The following SOX5 variants were observed in gnomAD, a reference collection of about 807,000 sequenced individuals.
The protein encoded by SOX5 is SRY-box transcription factor 5.
Under a neutral mutation model 92.0 loss-of-function variants are expected in SOX5, and 9 were observed. The ratio of observed to expected loss-of-function variants is 0.10; its 90% CI spans 0.06 to 0.17. SOX5 has a LOEUF of 0.17. Among genes scored for constraint, SOX5 ranks in the 10% least tolerant of loss-of-function variants. The pLI is 1.00. For missense variants in SOX5, 642 were observed against 944.5 expected, an observed-to-expected ratio of 0.68 and a Z score of 4.20; for synonymous variants, 344 against 336.3, an observed-to-expected ratio of 1.02 and a Z score of -0.25.
chr12:24,317,595 T>A (rs1440483206), intron 2 of SOX5, among the ~76,000 whole-genome samples: 1 of 152,180 alleles, frequency 6.6e-6, no homozygotes, highest in African/African-American at 2.4e-5. Flanking sequence ...ACTTCACCAC[T>A]TCCAAAATCT....
At chr12:24,056,441 T>G (rs934864208) in intron 4 of SOX5, among the ~76,000 whole-genome samples, 2 of 152,250 alleles carry the variant, frequency 1.3e-5, no homozygotes, top group African/African-American at 4.8e-5. Context: ...TCAAACATAT[T>G]AATGCTTAAA....
At chr12:23,552,758 C>G (rs1388785208) in intron 11 of SOX5, among the ~76,000 whole-genome samples, 1 of 151,862 alleles carries the variant, frequency 6.6e-6, no homozygotes, top group Non-Finnish European at 1.5e-5. Context: ...AAGTTTCCAC[C>G]TTCCTAGAGA....
At chr12:24,011,704 C>T (rs949090049) in intron 4 of SOX5, among the ~76,000 whole-genome samples, 8 of 152,064 alleles carry the variant, frequency 5.3e-5, no homozygotes, top group Non-Finnish European at 8.8e-5. Flanking sequence ...CACAGGTTAA[C>T]GGCGACCATT....
chr12:23,768,811 A>G (rs557768069), intron 3 of SOX5, among the ~76,000 whole-genome samples: 4 of 152,298 alleles, frequency 2.6e-5, no homozygotes, highest in Admixed American at 2.6e-4. Flanking sequence ...GACAGGGTTC[A>G]ACACTGAAAG....
At chr12:23,734,247 A>G (rs1016845359) in intron 6 of SOX5, among the ~76,000 whole-genome samples, 2 of 152,146 alleles carry the variant, frequency 1.3e-5, no homozygotes, top group African/African-American at 4.8e-5. Context: ...CCAAATTATT[A>G]CCATCCCTAT....
rs550351626 is a variant in SOX5, at chr12:23,828,156, C to G, written c.481+17827G>C. On this transcript the variant is annotated intron_variant, in intron 3 of 14. Coordinates refer to ENST00000451604, the MANE Select transcript of SOX5 (RefSeq NM_006940.6). ...TTACTTTTTTGTTACAATTGCCTAC[C>G]ATATTCAGTTCAGTAACATACTGTA... Among the ~76,000 whole-genome samples, 3 of 152,224 alleles carry G rather than the reference C, an allele frequency of 2.0e-5. No homozygotes were observed. In the South Asian group the frequency reaches 6.2e-4, roughly 32 times the overall value.
At chr12:24,421,502 C>T (rs193276577) in intron 1 of SOX5, among the ~76,000 whole-genome samples, 9 of 152,238 alleles carry the variant, frequency 5.9e-5, no homozygotes, top group Admixed American at 2.0e-4. Flanking sequence ...AATGTTCTTA[C>T]ACTGTTTAAT....
At chr12:24,378,606 C>T (rs1356387053) in intron 1 of SOX5, among the ~76,000 whole-genome samples, 2 of 152,174 alleles carry the variant, frequency 1.3e-5, no homozygotes, top group African/African-American at 4.8e-5. Flanking sequence ...TCTCCTTCCG[C>T]TTGACTCCTA....
At chr12:24,266,147 C>G (rs1172836118) in intron 3 of SOX5, among the ~76,000 whole-genome samples, 4 of 151,532 alleles carry the variant, frequency 2.6e-5, no homozygotes, top group African/African-American at 4.9e-5. Context: ...CTCCTGGACT[C>G]AAGTGATCCA....
chr12:23,637,289 A>G (rs1566588548), intron 8 of SOX5, among the ~76,000 whole-genome samples: 1 of 152,194 alleles, frequency 6.6e-6, no homozygotes, highest in African/African-American at 2.4e-5. Context: ...TATAGCTGTG[A>G]GTTTATCACT....
intron 1 of SOX5, among the ~76,000 whole-genome samples, chr12:23,945,055 A>G (rs1233637940): frequency 6.6e-6 from 1 of 152,194 alleles, no homozygotes; most frequent in Non-Finnish European, 1.5e-5. Context: ...GCACATCTGC[A>G]TTACACAATA....
rs961864537 is a variant in SOX5 at position 24,027,110 on chromosome 12, C to T, written c.-1-131086G>A. On this transcript the variant is annotated intron_variant, in intron 4 of 4. Transcript: ENST00000446891. ...TTCTTTCTTTTACTTAATTCCACAGCCTATCTGCAACTACAAAATACTCCT... is the reference window on the plus strand; with the variant it reads ...TTCTTTCTTTTACTTAATTCCACAGTCTATCTGCAACTACAAAATACTCCT... 2.0e-5 allele frequency among the ~76,000 whole-genome samples: 3 copies of T among 151,966 alleles called. No homozygotes were observed. The East Asian group carries it at 5.8e-4, about 29-fold the overall frequency.
At chr12:24,454,968 T>C (rs1942828032) in intron 1 of SOX5, among the ~76,000 whole-genome samples, 1 of 152,206 alleles carries the variant, frequency 6.6e-6, no homozygotes, top group South Asian at 2.1e-4. Flanking sequence ...CTGTTTGACA[T>C]CCTATTTTCA....
intron 3 of SOX5, among the ~76,000 whole-genome samples, chr12:23,764,164 G>T (rs925095554): frequency 2.6e-5 from 4 of 152,034 alleles, no homozygotes; most frequent in African/African-American, 9.7e-5. Flanking sequence ...TATTTATGAT[G>T]CATCCATAAC....
Position 23,837,230 on chromosome 12 carries a change from ATATATTTATATAATATATATT to A in SOX5, c.481+8732_481+8752del, listed in dbSNP as rs1459570201. On this transcript the variant is annotated intron_variant, in intron 3 of 14. Transcript: ENST00000451604. ...TATTTATATTTATATGATATATAAT[ATATATTTATATAATATATATT>A]TATATTTATATAATATATAATATGT... is the stretch of plus-strand genomic sequence containing the variant. Among the ~76,000 whole-genome samples the A allele has an allele frequency of 1.8e-4, 15 of 82,812 alleles. No individual in the cohort carries two copies. The South Asian group carries it at 2.3e-3, about 13-fold the overall frequency. 54.3% of individuals were successfully genotyped at this position (82,812 alleles called of 152,430 possible). A position where few individuals can be genotyped will look rare whatever the true frequency, so the allele number is the denominator to read the frequency against.
chr12:24,140,413 A>AT (rs1198751114), intron 4 of SOX5, among the ~76,000 whole-genome samples: 2 of 152,184 alleles, frequency 1.3e-5, no homozygotes, highest in Non-Finnish European at 2.9e-5. Flanking sequence ...TTAGAAATTC[A>AT]TTTTTTGAAA....
intron 1 of SOX5, among the ~76,000 whole-genome samples, chr12:24,397,702 G>T (rs1304826724): frequency 5.9e-5 from 9 of 151,728 alleles, no homozygotes; most frequent in Admixed American, 5.9e-4. Context: ...AAAATGTCAG[G>T]AAGGGTCCCA....
At chr12:23,993,052 T>A (rs1425201701) in intron 4 of SOX5, among the ~76,000 whole-genome samples, 1 of 152,188 alleles carries the variant, frequency 6.6e-6, no homozygotes, top group Admixed American at 6.5e-5. Flanking sequence ...TTGAGACAGT[T>A]CCTCAAAAAT....
At chr12:24,242,031 C>T (rs982437023) in intron 3 of SOX5, among the ~76,000 whole-genome samples, 1 of 152,074 alleles carries the variant, frequency 6.6e-6, no homozygotes, top group African/African-American at 2.4e-5. Flanking sequence ...GAAATAATTC[C>T]TGTTGTTAAG....
Sources: allele counts gnomAD v4.1 joint callset (sites outside exome capture counted in the v4.1 genomes callset), GRCh38; gene constraint gnomAD v4.1.1; transcripts MANE v1.5; gene names NCBI Gene and HGNC (gene_info 2026-07-23, HGNC 2026-07-21).